Variants in CGNL1 observed in about 807,000 individuals in gnomAD.
The protein encoded by CGNL1 is cingulin like 1, also known as cingulin-like protein 1.
CGNL1 carries 132 observed loss-of-function variants against 141.2 expected under a neutral mutation model. That is an observed-to-expected ratio of 0.93 (90% CI 0.81 to 1.08). The LOEUF (loss-of-function observed/expected upper bound fraction) is 1.08. CGNL1 is among the 50% of genes least tolerant of loss of function. The pLI, the probability that CGNL1 is intolerant of heterozygous loss-of-function variation, is 0.00. For missense variants in CGNL1, 1,870 were observed against 1,588.6 expected (o/e 1.18, Z -3.01); for synonymous variants, 690 against 622.1 (o/e 1.11, Z -1.63).
At chr15:57,479,067 C>T (rs1261161420) in intron 8 of CGNL1, among the ~76,000 whole-genome samples, 2 of 152,212 alleles carry the variant, frequency 1.3e-5, no homozygotes, top group African/African-American at 4.8e-5. Context: ...CTCTCCTTCC[C>T]CCAGCTCTCC....
chr15:57,439,721 C>A, intron 2 of CGNL1, 120 bp downstream of exon 2: 1 of 982,894 alleles, frequency 1.0e-6, no homozygotes, highest in Non-Finnish European at 1.5e-6. Context: ...TCAGGAATCA[C>A]ACAGCTGATC....
At position 57,439,323 on chromosome 15, in the gene CGNL1, C is replaced by T. The variant is rs1319081593; in HGVS notation, c.1324C>T (p.Arg442Cys). ...QERRGKQSVG[R>C]TFAKLQGAAH... ...GCGCCGTGGGAAACAGAGCGTGGGC[C>T]GCACCTTTGCAAAGCTGCAGGGAGC... The change falls in exon 2 of 19, where the codon CGC becomes TGC. Residue 442 changes from arginine to cysteine, a missense_variant. By Grantham distance (180) the Arg-to-Cys change is radical (BLOSUM62 -3). Transcript: ENST00000281282. The T allele has an allele frequency of 6.2e-7, 1 of 1,614,072 alleles. No homozygotes were observed. The highest frequency in any genetic ancestry group is 8.5e-7 in the Non-Finnish European group (1 of 1,180,034).
In CGNL1 at chr15:57,438,192, G is replaced by T; in HGVS notation, c.193G>T (p.Ala65Ser). 1 of 1,613,924 alleles carries T rather than the reference G, an allele frequency of 6.2e-7. No individual in the cohort carries two copies. Among genetic ancestry groups the T allele is most frequent in the Non-Finnish European group, 8.5e-7 (1 of 1,179,806 alleles). Residue 65 changes from alanine (A) to serine (S), a missense_variant, in exon 2 of 19, where the codon GCA becomes TCA. Coordinates refer to ENST00000281282, the MANE Select transcript of CGNL1 (RefSeq NM_032866.5). ...IVLNNTERCL[A>S]GTSFSENGPP... ...CCTGAATAACACAGAACGGTGCCTA[G>T]CAGGCACATCGTTTTCTGAAAATGG...
At chr15:57,463,354 T>G (rs1428849908) in intron 8 of CGNL1, among the ~76,000 whole-genome samples, 1 of 152,242 alleles carries the variant, frequency 6.6e-6, no homozygotes, top group South Asian at 2.1e-4. Context: ...TAGAGACTTA[T>G]GTTACTGCAT....
At chr15:57,494,583 T>G (rs1218730011) in intron 8 of CGNL1, among the ~76,000 whole-genome samples, 1 of 152,232 alleles carries the variant, frequency 6.6e-6, no homozygotes, top group African/African-American at 2.4e-5. Context: ...GATTTTGTTT[T>G]GGGAATCGGC....
At chr15:57,391,942 T>C (rs1357280832) in intron 1 of CGNL1, among the ~76,000 whole-genome samples, 1 of 143,108 alleles carries the variant, frequency 7.0e-6, no homozygotes, top group African/African-American at 2.7e-5. Flanking sequence ...ATTTTTTTGT[T>C]CGCAAAAATA....
chr15:57,503,639 A>G (rs1180519549), intron 8 of CGNL1, among the ~76,000 whole-genome samples: 2 of 152,208 alleles, frequency 1.3e-5, no homozygotes, highest in African/African-American at 2.4e-5. Flanking sequence ...TGATTAAGAC[A>G]TACCTGAAGC....
At chr15:57,426,447 AT>A (rs34527096) in intron 1 of CGNL1, among the ~76,000 whole-genome samples, 44,217 of 139,708 alleles carry the variant, frequency 0.32, 6,740 homozygotes, top group East Asian at 0.52. Context: ...ACCAGGCCAC[AT>A]TTTTTTTTTT....
intron 4 of CGNL1, among the ~76,000 whole-genome samples, chr15:57,450,225 C>T (rs1321213871): frequency 2.0e-5 from 3 of 152,046 alleles, no homozygotes; most frequent in Non-Finnish European, 4.4e-5. Context: ...TTGGTGTTGC[C>T]AGTGTTTTGA....
intron 8 of CGNL1, among the ~76,000 whole-genome samples, chr15:57,498,757 G>A (rs1195706842): frequency 6.6e-6 from 1 of 152,104 alleles, no homozygotes; most frequent in African/African-American, 2.4e-5. Context: ...GAGGAGGTGA[G>A]GATTGGTAGA....
intron 8 of CGNL1, among the ~76,000 whole-genome samples, chr15:57,495,529 C>G (rs2063925514): frequency 6.6e-6 from 1 of 152,098 alleles, no homozygotes; most frequent in Non-Finnish European, 1.5e-5. Context: ...TTTGTTTGCC[C>G]CTTTGACCTA....
intron 14 of CGNL1, among the ~76,000 whole-genome samples, chr15:57,540,620 C>T (rs1232681458): frequency 6.6e-6 from 1 of 152,190 alleles, no homozygotes; most frequent in African/African-American, 2.4e-5. Flanking sequence ...TTTCAGCTTA[C>T]TGTCTGTGTC....
At chr15:57,516,158 CAAAAAAAAAA>C (rs10559176) in intron 8 of CGNL1, among the ~76,000 whole-genome samples, 13 of 73,280 alleles carry the variant, frequency 1.8e-4, no homozygotes, top group Admixed American at 1.5e-3. Flanking sequence ...GACTCTGTCT[CAAAAAAAAAA>C]AAAAAAAAAA....
rs1208403593 is a variant in CGNL1, at chr15:57,547,453, C to T, written c.3872C>T (p.Thr1291Ile). Residue 1291 changes from threonine (T) to isoleucine (I), a missense_variant, in exon 19 of 19, where the codon ACA becomes ATA. Transcript: ENST00000281282. ...CTCTATGAGGCGCCTGTGAGCTACA[C>T]ATTCTCCAAGGACAGCACCGTCGCC... ...GSLYEAPVSYTFSKDSTVASQ... is the reference protein window; with the variant it reads ...GSLYEAPVSYIFSKDSTVASQ... The T allele has an allele frequency of 6.2e-7, 1 of 1,614,166 alleles. No homozygotes were observed. The highest frequency in any genetic ancestry group is 8.5e-7 in the Non-Finnish European group (1 of 1,180,006).
intron 14 of CGNL1, among the ~76,000 whole-genome samples, chr15:57,533,473 C>T (rs771588568): frequency 3.2e-4 from 49 of 152,184 alleles, no homozygotes; most frequent in Non-Finnish European, 6.0e-4. Flanking sequence ...TGTCAGGATC[C>T]GCTAAACATT....
intron 1 of CGNL1, among the ~76,000 whole-genome samples, chr15:57,385,428 T>C (rs1344634242): frequency 1.3e-5 from 2 of 152,200 alleles, no homozygotes; most frequent in African/African-American, 4.8e-5. Context: ...CCAGCTTGGC[T>C]TGAACCCAGG....
chr15:57,534,446 A>G (rs1355876971), intron 14 of CGNL1, among the ~76,000 whole-genome samples: 1 of 152,190 alleles, frequency 6.6e-6, no homozygotes, highest in South Asian at 2.1e-4. Flanking sequence ...GGGTGGGCCA[A>G]ATACCCGCCT....
At chr15:57,395,994 T>C (rs1746999242) in intron 1 of CGNL1, among the ~76,000 whole-genome samples, 1 of 152,232 alleles carries the variant, frequency 6.6e-6, no homozygotes, top group Admixed American at 6.5e-5. Flanking sequence ...TGACTGTTCT[T>C]GAACTTCATA....
At chr15:57,462,214 G>A (rs1265067317) in intron 8 of CGNL1, among the ~76,000 whole-genome samples, 3 of 152,122 alleles carry the variant, frequency 2.0e-5, no homozygotes, top group South Asian at 2.1e-4. Context: ...CGTTCCTAAC[G>A]GTCAGAGGCC....
Sources: allele counts gnomAD v4.1 joint callset (sites outside exome capture counted in the v4.1 genomes callset), GRCh38; gene constraint gnomAD v4.1.1; transcripts MANE v1.5; gene names NCBI Gene and HGNC (gene_info 2026-07-23, HGNC 2026-07-21).